The following GALNT18 variants were observed in gnomAD, a reference collection of about 807,000 sequenced individuals.
GALNT18 encodes GalNAc-transferase 18.
A neutral mutation model predicts 69.5 loss-of-function variants in GALNT18; 44 were observed. The ratio of observed to expected loss-of-function variants is 0.63; its 90% CI spans 0.50 to 0.81. The LOEUF (loss-of-function observed/expected upper bound fraction) is 0.81. GALNT18 is among the 40% of genes least tolerant of loss of function. The pLI, the probability that GALNT18 is intolerant of heterozygous loss-of-function variation, is 0.00. For missense variants in GALNT18, 715 were observed against 810.0 expected, an observed-to-expected ratio of 0.88 and a Z score of 1.42; for synonymous variants, 364 against 318.2, an observed-to-expected ratio of 1.14 and a Z score of -1.53.
intron 1 of GALNT18, among the ~76,000 whole-genome samples, chr11:11,474,434 G>A (rs1856343120): frequency 6.6e-6 from 1 of 152,154 alleles, no homozygotes; most frequent in Admixed American, 6.5e-5. Flanking sequence ...TGAGGAGTGT[G>A]GCTCTTGTTC....
At chr11:11,272,647 C>G (rs372631462) in intron 10 of GALNT18, among the ~76,000 whole-genome samples, 3 of 152,226 alleles carry the variant, frequency 2.0e-5, no homozygotes, top group African/African-American at 7.2e-5. Context: ...GCTTGGGATT[C>G]TTCCCCATGC....
chr11:11,547,832 C>A (rs1858096650), intron 1 of GALNT18, among the ~76,000 whole-genome samples: 1 of 152,184 alleles, frequency 6.6e-6, no homozygotes. Context: ...CTTAGCCTGG[C>A]ATTCAAGGCA....
chr11:11,567,004 C>G (rs1456881187), intron 1 of GALNT18, among the ~76,000 whole-genome samples: 2 of 152,190 alleles, frequency 1.3e-5, no homozygotes, highest in African/African-American at 4.8e-5. Flanking sequence ...GCCTGAATTC[C>G]TGCTCTCCTT....
intron 10 of GALNT18, 79 bp downstream of exon 10, chr11:11,292,950 A>T (rs942518051): frequency 1.6e-6 from 2 of 1,274,840 alleles, no homozygotes; most frequent in Non-Finnish European, 1.0e-6. Context: ...CCTCTCCTCC[A>T]CCACCTCCCT....
chr11:11,332,378 G>A lies in GALNT18; in HGVS notation c.1416+316C>T, dbSNP rs558815616. Reference sequence around the variant, plus strand: ...CACCCCAGCTGGGAGAACAGCAGGTGTTTGTTACCTTACCTTTTAATCTTA... The same window carrying A: ...CACCCCAGCTGGGAGAACAGCAGGTATTTGTTACCTTACCTTTTAATCTTA... On this transcript the variant is annotated intron_variant, in intron 8 of 10. Transcript: ENST00000227756. This position sits in a 1 kb window ranked among gnomAD's most constrained non-coding sequence, Gnocchi z 4.3. Among the ~76,000 whole-genome samples, 1 of 152,296 alleles carries A rather than the reference G, an allele frequency of 6.6e-6. No individual in the cohort carries two copies. Among genetic ancestry groups the A allele is most frequent in the East Asian group, 1.9e-4 (1 of 5,186 alleles).
At chr11:11,594,341 G>A (rs78378401) in intron 1 of GALNT18, among the ~76,000 whole-genome samples, 3,547 of 152,220 alleles carry the variant, frequency 0.023, 149 homozygotes, top group African/African-American at 0.081. Flanking sequence ...TAACAGCGAC[G>A]CACTTAAAAG....
At chr11:11,547,876 T>C (rs546063246) in intron 1 of GALNT18, among the ~76,000 whole-genome samples, 9 of 152,300 alleles carry the variant, frequency 5.9e-5, no homozygotes, top group African/African-American at 1.4e-4. Flanking sequence ...CCTATATGTA[T>C]GCTCTATCTA....
At chr11:11,580,439 G>T (rs1481631342) in intron 1 of GALNT18, among the ~76,000 whole-genome samples, 1 of 152,146 alleles carries the variant, frequency 6.6e-6, no homozygotes, top group African/African-American at 2.4e-5. Flanking sequence ...CTTTTGCCCA[G>T]ACTGTTCCTC....
chr11:11,558,690 A>G (rs1470058607), intron 1 of GALNT18, among the ~76,000 whole-genome samples: 1 of 152,230 alleles, frequency 6.6e-6, no homozygotes, highest in African/African-American at 2.4e-5. Flanking sequence ...CTTCTGACGC[A>G]CTGCTGGATT....
intron 1 of GALNT18, among the ~76,000 whole-genome samples, chr11:11,490,844 C>G (rs183518993): frequency 6.6e-6 from 1 of 152,212 alleles, no homozygotes; most frequent in Non-Finnish European, 1.5e-5. Context: ...GAAACTCCAA[C>G]GCGGATTGTC....
At chr11:11,571,727 T>C (rs1465457992) in intron 1 of GALNT18, among the ~76,000 whole-genome samples, 1 of 152,170 alleles carries the variant, frequency 6.6e-6, no homozygotes, top group Non-Finnish European at 1.5e-5. Context: ...ACAAATCCCA[T>C]AACACGTAAT....
At chr11:11,292,277 A>G (rs964960558) in intron 10 of GALNT18, among the ~76,000 whole-genome samples, 23 of 152,276 alleles carry the variant, frequency 1.5e-4, no homozygotes, top group African/African-American at 5.3e-4. Context: ...CTACCTTAGC[A>G]GATTCCCTGG....
chr11:11,515,600 G>A (rs112369199), intron 1 of GALNT18, among the ~76,000 whole-genome samples: 210 of 152,322 alleles, frequency 1.4e-3, no homozygotes, highest in African/African-American at 4.3e-3. Flanking sequence ...TCAGGTGGGC[G>A]ATAAGTGACA....
chr11:11,416,622 G>A (rs1438667310), intron 3 of GALNT18, among the ~76,000 whole-genome samples: 1 of 152,164 alleles, frequency 6.6e-6, no homozygotes, highest in Non-Finnish European at 1.5e-5. Flanking sequence ...AGAGAAGCAC[G>A]GGGCCCAAGA....
In GALNT18 at chr11:11,540,128, A is replaced by G. The variant is rs1857878569; in HGVS notation, c.235+81231T>C. ...GTTTCTTTTTCTAAAAACTTAAGGC[A>G]TTGGACTGGATTATTCTAAACATAT... On this transcript the variant is annotated intron_variant, in intron 1 of 10. Coordinates refer to ENST00000227756, the MANE Select transcript of GALNT18 (RefSeq NM_198516.3). The surrounding 1 kb of genome is among the most constrained non-coding windows in gnomAD (Gnocchi z 4.6). Among the ~76,000 whole-genome samples, 1 of 152,174 alleles carries G rather than the reference A, an allele frequency of 6.6e-6. No homozygotes were observed. The highest frequency in any genetic ancestry group is 1.5e-5 in the Non-Finnish European group (1 of 68,026).
Position 11,581,250 on chromosome 11 carries a change from G to C in GALNT18, c.235+40109C>G, listed in dbSNP as rs1194981237. Among the ~76,000 whole-genome samples the C allele has an allele frequency of 2.6e-5, 4 of 152,212 alleles. No homozygotes were observed. In the East Asian group the frequency reaches 7.7e-4, roughly 29 times the overall value. On this transcript the variant is annotated intron_variant, in intron 1 of 10. Coordinates refer to ENST00000227756, the MANE Select transcript of GALNT18 (RefSeq NM_198516.3). ...TGTTGATGAGTATAAGTACAGAGCA[G>C]AAGAGAAGGCCAGTACAACAGGCAG...
intron 6 of GALNT18, among the ~76,000 whole-genome samples, chr11:11,360,659 T>G (rs1850625221): frequency 6.6e-6 from 1 of 152,212 alleles, no homozygotes; most frequent in African/African-American, 2.4e-5. Flanking sequence ...CACAGGGTTT[T>G]TCTTGGTGGT....
intron 3 of GALNT18, among the ~76,000 whole-genome samples, chr11:11,397,706 A>G (rs371963510): frequency 1.5e-4 from 22 of 151,558 alleles, no homozygotes; most frequent in African/African-American, 4.6e-4. Flanking sequence ...CCTGGGCTCA[A>G]GTGATCCACC....
intron 3 of GALNT18, among the ~76,000 whole-genome samples, chr11:11,405,360 T>C (rs1334866163): frequency 1.3e-5 from 2 of 152,210 alleles, no homozygotes; most frequent in Non-Finnish European, 2.9e-5. Context: ...AAGACCATGG[T>C]TATCTCCTCC....
Sources: gnomAD v4.1 joint callset for allele counts (sites outside exome capture counted in the v4.1 genomes callset) on GRCh38, gnomAD v4.1.1 for gene constraint, Gnocchi (gnomAD v3.1) non-coding constraint, MANE v1.5 for transcripts, NCBI Gene and HGNC (gene_info 2026-07-23, HGNC 2026-07-21) for gene names.